The following PRMT9 variants were observed in gnomAD, a reference collection of about 807,000 sequenced individuals.
The protein encoded by PRMT9 is protein arginine N-methyltransferase 9.
PRMT9 carries 59 observed loss-of-function variants against 83.2 expected under a neutral mutation model. That is an observed-to-expected ratio of 0.71 (90% CI 0.57 to 0.88). The LOEUF (loss-of-function observed/expected upper bound fraction) is 0.88. Among genes scored for constraint, PRMT9 ranks in the 40% least tolerant of loss-of-function variants. PRMT9 has a pLI of 0.00. For synonymous variants in PRMT9, 333 were observed against 353.2 expected (o/e 0.94, Z 0.64); for missense variants, 947 against 1,021.9 (o/e 0.93, Z 1.00).
chr4:147,654,727 G>A (rs550185342), intron 8 of PRMT9, among the ~76,000 whole-genome samples, 161 bp from the exon 9 acceptor site: 1 of 152,234 alleles, frequency 6.6e-6, no homozygotes, highest in South Asian at 2.1e-4. Context: ...AACTCTACCA[G>A]ATTTACTTAG....
chr4:147,650,557 A>C (rs1734024168), intron 9 of PRMT9, among the ~76,000 whole-genome samples: 1 of 152,240 alleles, frequency 6.6e-6, no homozygotes, highest in Non-Finnish European at 1.5e-5. Flanking sequence ...ATGGAAAGGC[A>C]CACTGTGTTC....
chr4:147,670,273 G>A (rs530107399), intron 5 of PRMT9, among the ~76,000 whole-genome samples: 5 of 152,274 alleles, frequency 3.3e-5, no homozygotes, highest in South Asian at 2.1e-4. Flanking sequence ...TCCACCTCCC[G>A]GGTTCAAGCG....
At chr4:147,667,329 C>T (rs537871605) in intron 6 of PRMT9, among the ~76,000 whole-genome samples, 5 of 152,266 alleles carry the variant, frequency 3.3e-5, no homozygotes, top group African/African-American at 9.6e-5. Flanking sequence ...GTAACTACAA[C>T]ACCAAGAAGT....
At chr4:147,651,472 T>C (rs1734091932) in intron 9 of PRMT9, among the ~76,000 whole-genome samples, 1 of 152,138 alleles carries the variant, frequency 6.6e-6, no homozygotes, top group African/African-American at 2.4e-5. Flanking sequence ...GAAAAAAATA[T>C]TTACAAATCA....
At chr4:147,666,658 C>T (rs1735357485) in intron 6 of PRMT9, among the ~76,000 whole-genome samples, 1 of 152,052 alleles carries the variant, frequency 6.6e-6, no homozygotes, top group South Asian at 2.1e-4. Flanking sequence ...TATTCTTAAA[C>T]ATTTGCTTAT....
intron 6 of PRMT9, among the ~76,000 whole-genome samples, chr4:147,663,698 G>A (rs992364044): frequency 2.0e-5 from 3 of 152,092 alleles, no homozygotes; most frequent in Middle Eastern, 3.2e-3. Context: ...TATAAACTAC[G>A]TGAATATATA....
intron 5 of PRMT9, among the ~76,000 whole-genome samples, chr4:147,670,137 G>T (rs1272971729): frequency 6.6e-6 from 1 of 151,052 alleles, no homozygotes; most frequent in East Asian, 2.0e-4. Flanking sequence ...ATTATACATT[G>T]AATCATGTTG....
intron 7 of PRMT9, 26 bp from the exon 8 acceptor site, chr4:147,658,001 A>G: frequency 4.8e-6 from 7 of 1,466,700 alleles, no homozygotes; most frequent in Non-Finnish European, 6.6e-6. Flanking sequence ...AAGGAATGAA[A>G]CGGTTTTATA....
chr4:147,679,658 G>A (rs936167102), intron 2 of PRMT9, among the ~76,000 whole-genome samples: 4 of 152,158 alleles, frequency 2.6e-5, no homozygotes, highest in African/African-American at 9.7e-5. Flanking sequence ...TGAGGAACGA[G>A]AATCACTTGA....
At chr4:147,669,339 T>C (rs748088618) in intron 5 of PRMT9, among the ~76,000 whole-genome samples, 3 of 152,106 alleles carry the variant, frequency 2.0e-5, no homozygotes, top group Non-Finnish European at 4.4e-5. Flanking sequence ...AACGTGCCAC[T>C]GTGCTCCTAC....
chr4:147,653,451 A>AT (rs201622904), intron 9 of PRMT9, among the ~76,000 whole-genome samples: 1,553 of 130,228 alleles, frequency 0.012, 30 homozygotes, highest in African/African-American at 0.05. Context: ...TTAAAAAAAA[A>AT]AAATATATAT....
intron 9 of PRMT9, 113 bp downstream of exon 9, chr4:147,653,739 T>C: frequency 1.3e-6 from 1 of 745,378 alleles, no homozygotes; most frequent in Non-Finnish European, 2.2e-6. Context: ...TTGAGGAGCA[T>C]ACAGTGATCT....
intron 6 of PRMT9, among the ~76,000 whole-genome samples, chr4:147,667,291 G>A (rs569184389): frequency 1.3e-5 from 2 of 152,190 alleles, no homozygotes; most frequent in African/African-American, 2.4e-5. Context: ...GCAGAAAAGT[G>A]GAAGCAATCC....
rs148425724 is a variant in PRMT9 at position 147,679,156 on chromosome 4, G to A, written c.338+1167C>T. 5.3e-5 allele frequency among the ~76,000 whole-genome samples: 8 copies of A among 152,344 alleles called. No homozygotes were observed. The East Asian group carries it at 5.8e-4, about 11-fold the overall frequency. Reference sequence around the variant, plus strand: ...TTGGTAAAAAGTGCGGAGAGGCCGCGTGCAGTGGCTCAAGTCTGTAATCCC... The same window carrying A: ...TTGGTAAAAAGTGCGGAGAGGCCGCATGCAGTGGCTCAAGTCTGTAATCCC... On this transcript the variant is annotated intron_variant, in intron 2 of 11. Coordinates refer to ENST00000322396, the MANE Select transcript of PRMT9 (RefSeq NM_138364.4).
At chr4:147,649,738 C>G (rs1260154519) in intron 9 of PRMT9, among the ~76,000 whole-genome samples, 2 of 152,192 alleles carry the variant, frequency 1.3e-5, no homozygotes, top group Non-Finnish European at 2.9e-5. Context: ...CTCCAGACCT[C>G]AGGTGATCCG....
At chr4:147,673,244 T>A in intron 3 of PRMT9, 118 bp from the exon 4 acceptor site, 2 of 826,952 alleles carry the variant, frequency 2.4e-6, no homozygotes, top group South Asian at 1.5e-5. Context: ...ACACAACCAT[T>A]ACTCACTCTG....
chr4:147,683,737 T>TAC, intron 1 of PRMT9, 62 bp downstream of exon 1: 1 of 873,534 alleles, frequency 1.1e-6, no homozygotes, highest in African/African-American at 1.8e-5. Flanking sequence ...TTTTTTCTGT[T>TAC]TTTTTTTTTT....
intron 2 of PRMT9, among the ~76,000 whole-genome samples, chr4:147,676,536 A>G (rs1019269472): frequency 1.3e-5 from 2 of 152,238 alleles, no homozygotes. Flanking sequence ...AACATGAACA[A>G]GTAACCCTCA....
chr4:147,644,834 C>T (rs1733632405), intron 9 of PRMT9, among the ~76,000 whole-genome samples: 1 of 152,154 alleles, frequency 6.6e-6, no homozygotes, highest in Admixed American at 6.5e-5. Context: ...GGTGGGTGGG[C>T]CACCTACTGA....
Sources: allele counts gnomAD v4.1 joint callset (sites outside exome capture counted in the v4.1 genomes callset), GRCh38; gene constraint gnomAD v4.1.1; transcripts MANE v1.5; gene names NCBI Gene and HGNC (gene_info 2026-07-23, HGNC 2026-07-21).